The following RPTOR variants were observed in gnomAD, a reference collection of about 807,000 sequenced individuals.
RPTOR encodes the protein regulatory-associated protein of mTOR.
RPTOR carries 21 observed loss-of-function variants against 169.9 expected under a neutral mutation model. The ratio of observed to expected loss-of-function variants is 0.12; its 90% CI spans 0.09 to 0.18. The LOEUF (loss-of-function observed/expected upper bound fraction) is 0.18, where lower values mean the gene tolerates loss of function less well. RPTOR is among the 10% of genes least tolerant of loss of function. The pLI, the probability that RPTOR is intolerant of heterozygous loss-of-function variation, is 1.00. For missense variants in RPTOR, 1,133 were observed against 1,855.9 expected (o/e 0.61, Z 7.16); for synonymous variants, 732 against 753.2 (o/e 0.97, Z 0.46).
At chr17:80,551,886 T>A (rs11150862) in intron 1 of RPTOR, among the ~76,000 whole-genome samples, 1 of 150,048 alleles carries the variant, frequency 6.7e-6, no homozygotes, top group Non-Finnish European at 1.5e-5. Flanking sequence ...CCTTCCGCAG[T>A]GTTTGTGTCC....
chr17:80,643,324 T>TTTC (rs1215942699), intron 2 of RPTOR, among the ~76,000 whole-genome samples: 2 of 152,226 alleles, frequency 1.3e-5, no homozygotes, highest in Non-Finnish European at 2.9e-5. Context: ...TGTCTTTTTC[T>TTTC]CTCCTCCTTT....
At chr17:80,694,374 G>A (rs1156329252) in intron 3 of RPTOR, among the ~76,000 whole-genome samples, 1 of 152,252 alleles carries the variant, frequency 6.6e-6, no homozygotes, top group Non-Finnish European at 1.5e-5. Context: ...TCCCACCCAG[G>A]TGAGGCGCAT....
chr17:80,700,939 A>G (rs1237020639), intron 3 of RPTOR, among the ~76,000 whole-genome samples: 1 of 151,970 alleles, frequency 6.6e-6, no homozygotes, highest in African/African-American at 2.4e-5. Context: ...TCAGGATTGA[A>G]GAGGTAGACT....
At position 80,754,165 on chromosome 17, in the gene RPTOR, C is replaced by T. The variant is rs2066657245; in HGVS notation, c.810C>T (p.Pro270=). 6.2e-7 allele frequency: 1 copy of T among 1,609,062 alleles called. No homozygotes were observed. The highest frequency in any genetic ancestry group is 8.5e-7 in the Non-Finnish European group (1 of 1,177,150). ...ADLFTSCLTT[P]IKIALRWFCM... ...TATTCACCTCCTGCCTCACCACCCC[C>T]ATCAAGATCGCCCTGCGCTGGTGAG... is the stretch of plus-strand genomic sequence containing the variant. The change falls in exon 6 of 34, where the codon CCC becomes CCT. Residue 270 remains proline, a synonymous_variant. Coordinates refer to ENST00000306801, the MANE Select transcript of RPTOR (RefSeq NM_020761.3). This position sits in a 1 kb window ranked among gnomAD's most constrained non-coding sequence, Gnocchi z 4.2.
At chr17:80,585,641 T>G (rs562109280) in intron 1 of RPTOR, among the ~76,000 whole-genome samples, 13 of 152,352 alleles carry the variant, frequency 8.5e-5, no homozygotes, top group African/African-American at 2.9e-4. Context: ...CGCTGCTACG[T>G]CGCTCAGGCT....
chr17:80,704,319 T>C (rs1467446183), intron 3 of RPTOR, among the ~76,000 whole-genome samples: 1 of 152,238 alleles, frequency 6.6e-6, no homozygotes, highest in Non-Finnish European at 1.5e-5. Flanking sequence ...CCTTGGTGTG[T>C]TGTATGGGAT....
At chr17:80,647,468 A>G (rs1351362797) in intron 3 of RPTOR, among the ~76,000 whole-genome samples, 2 of 152,142 alleles carry the variant, frequency 1.3e-5, no homozygotes, top group Admixed American at 6.5e-5. Flanking sequence ...ACAGGATGGA[A>G]GTTAGGAGCT....
intron 13 of RPTOR, among the ~76,000 whole-genome samples, chr17:80,864,808 A>G (rs1415041299): frequency 6.6e-6 from 1 of 152,234 alleles, no homozygotes; most frequent in Non-Finnish European, 1.5e-5. Flanking sequence ...ATAACAGTGT[A>G]CTATGAATTT....
chr17:80,857,299 A>C (rs902912087), intron 12 of RPTOR, among the ~76,000 whole-genome samples: 1 of 152,224 alleles, frequency 6.6e-6, no homozygotes, highest in Non-Finnish European at 1.5e-5. Context: ...CCCAAGGTGT[A>C]TCTGAAGTGC....
chr17:80,823,164 G>A lies in RPTOR; in HGVS notation c.1077G>A (p.Ser359=), dbSNP rs753797099. ...NFLLAERIMR[S]YNCTPVSSPR... is the part of the protein sequence containing the mutation. ...TATTGGCGGAAAGGATTATGAGGTCGTATAACTGCACTCCCGTCAGCAGCC... is the reference window on the plus strand; with the variant it reads ...TATTGGCGGAAAGGATTATGAGGTCATATAACTGCACTCCCGTCAGCAGCC... Residue 359 remains serine, a synonymous_variant, in exon 9 of 34, where the codon TCG becomes TCA. Transcript: ENST00000306801. This position sits in a 1 kb window ranked among gnomAD's most constrained non-coding sequence, Gnocchi z 4.5. The A allele has an allele frequency of 2.7e-5, 44 of 1,614,036 alleles. No individual in the cohort carries two copies. The highest frequency in any genetic ancestry group is 3.3e-4 in the Middle Eastern group (2 of 6,084).
intron 13 of RPTOR, among the ~76,000 whole-genome samples, chr17:80,877,282 G>T (rs538765043): frequency 6.6e-6 from 1 of 152,356 alleles, no homozygotes; most frequent in African/African-American, 2.4e-5. Flanking sequence ...CCTGCCTGCG[G>T]GGAGGGTGGG....
At chr17:80,920,970 T>C (rs1227789041) in intron 21 of RPTOR, among the ~76,000 whole-genome samples, 3 of 152,228 alleles carry the variant, frequency 2.0e-5, no homozygotes, top group Non-Finnish European at 2.9e-5. Flanking sequence ...AGAAAGAACA[T>C]GTATTACTCT....
At chr17:80,623,811 C>T (rs147833678) in intron 1 of RPTOR, among the ~76,000 whole-genome samples, 3 of 152,316 alleles carry the variant, frequency 2.0e-5, no homozygotes, top group African/African-American at 7.2e-5. Context: ...GCTGGGATTA[C>T]AGGGGTGAGC....
chr17:80,595,865 A>G (rs2065141114), intron 1 of RPTOR, among the ~76,000 whole-genome samples: 1 of 152,184 alleles, frequency 6.6e-6, no homozygotes, highest in South Asian at 2.1e-4. Context: ...TTCTTCTTAT[A>G]GGAGTCTTGA....
chr17:80,846,389 A>G lies in RPTOR; in HGVS notation c.1213-84A>G. ...GGGCGGGCCCTTCGTGAAGGCTTGG[A>G]TGCCCGGCAGGTGGCAGGGGTGGGC... On this transcript the variant is annotated intron_variant, in intron 10 of 33. Coordinates refer to ENST00000306801, the MANE Select transcript of RPTOR (RefSeq NM_020761.3). 14 of 1,363,238 alleles carry G rather than the reference A, an allele frequency of 1.0e-5. No homozygotes were observed. The Middle Eastern group carries it at 5.5e-4, about 53-fold the overall frequency. The allele number at this position is 1,363,238 out of a possible 1,614,324, so 84.4% of individuals were successfully genotyped here.
intron 9 of RPTOR, among the ~76,000 whole-genome samples, chr17:80,830,266 G>A (rs904413750): frequency 3.3e-5 from 5 of 152,140 alleles, no homozygotes; most frequent in African/African-American, 1.2e-4. Flanking sequence ...AGGTGGACTT[G>A]CCACCTTGGC....
At chr17:80,938,633 T>C (rs2068984502) in intron 24 of RPTOR, among the ~76,000 whole-genome samples, 1 of 152,208 alleles carries the variant, frequency 6.6e-6, no homozygotes, top group South Asian at 2.1e-4. Flanking sequence ...GAGGGAGCCA[T>C]TTGACACCTT....
intron 9 of RPTOR, among the ~76,000 whole-genome samples, chr17:80,832,099 A>G (rs1179228862): frequency 6.6e-6 from 1 of 152,162 alleles, no homozygotes; most frequent in African/African-American, 2.4e-5. Context: ...CGCTCTTGAG[A>G]CACCGGCTGG....
chr17:80,801,321 T>C (rs865831881), intron 7 of RPTOR, among the ~76,000 whole-genome samples: 11 of 152,104 alleles, frequency 7.2e-5, no homozygotes, highest in African/African-American at 2.4e-4. Flanking sequence ...GCTGTTGTTA[T>C]CTACCTTTTA....
Sources: allele counts gnomAD v4.1 joint callset (sites outside exome capture counted in the v4.1 genomes callset), GRCh38; gene constraint gnomAD v4.1.1; non-coding constraint Gnocchi (gnomAD v3.1); transcripts MANE v1.5; gene names NCBI Gene and HGNC (gene_info 2026-07-23, HGNC 2026-07-21).